MYH10: variants seen among roughly 807,000 people sequenced by gnomAD.
MYH10 encodes myosin-10.
A neutral mutation model predicts 257.8 loss-of-function variants in MYH10; 55 were observed. That is an observed-to-expected ratio of 0.21 (90% CI 0.17 to 0.27). MYH10 has a LOEUF of 0.27. MYH10 is among the 10% of genes least tolerant of loss of function. The pLI, the probability that MYH10 is intolerant of heterozygous loss-of-function variation, is 1.00. For synonymous variants in MYH10, 854 were observed against 921.7 expected (o/e 0.93, Z 1.33); for missense variants, 1,631 against 2,500.6 (o/e 0.65, Z 7.42).
intron 1 of MYH10, among the ~76,000 whole-genome samples, chr17:8,626,122 C>G (rs1197230795): frequency 6.6e-6 from 1 of 152,168 alleles, no homozygotes; most frequent in African/African-American, 2.4e-5. Context: ...TTGCATTAGT[C>G]TTCTAAGACA....
At chr17:8,497,688 G>A (rs1351895842) in intron 30 of MYH10, among the ~76,000 whole-genome samples, 2 of 125,072 alleles carry the variant, frequency 1.6e-5, no homozygotes, top group Non-Finnish European at 3.2e-5. Flanking sequence ...GCAGTGAGCC[G>A]AGATTGCGCC....
rs1408055648 is a variant in MYH10 at position 8,561,338 on chromosome 17, A to C, written c.757-7320T>G. On this transcript the variant is annotated intron_variant, in intron 7 of 42. Coordinates refer to ENST00000360416, the MANE Select transcript of MYH10 (RefSeq NM_001256012.3). ...ATGCATGCCCAAGGACAAGGCCATT[A>C]AGAAATTCGTCATTCGAAACACAGT... 4 of 1,167,934 alleles carry C rather than the reference A, an allele frequency of 3.4e-6. No individual in the cohort carries two copies. In the African/African-American group the frequency reaches 4.5e-5, roughly 13 times the overall value. The allele number at this position is 1,167,934 out of a possible 1,614,324, so 72.3% of individuals were successfully genotyped here.
chr17:8,553,073 G>C (rs566531265), intron 8 of MYH10, among the ~76,000 whole-genome samples: 7 of 152,286 alleles, frequency 4.6e-5, no homozygotes, highest in Admixed American at 1.3e-4. Flanking sequence ...AATTAATTCT[G>C]TATGTGTCAG....
At chr17:8,623,345 C>T (rs2063644812) in intron 1 of MYH10, 68 bp from the exon 2 acceptor site, 10 of 1,401,470 alleles carry the variant, frequency 7.1e-6, no homozygotes, top group Non-Finnish European at 9.4e-6. Context: ...TTTTTCTTTT[C>T]TAAGAAACTT....
chr17:8,603,177 C>T (rs970671079), intron 3 of MYH10, among the ~76,000 whole-genome samples: 3 of 152,180 alleles, frequency 2.0e-5, no homozygotes, highest in Non-Finnish European at 4.4e-5. Context: ...TGTTTCTTTT[C>T]ATCAAATGTA....
chr17:8,580,113 C>T (rs573220461), intron 4 of MYH10, among the ~76,000 whole-genome samples: 3 of 151,904 alleles, frequency 2.0e-5, no homozygotes, highest in South Asian at 2.1e-4. Flanking sequence ...GGCGACAGAG[C>T]GAGACTTCAC....
intron 7 of MYH10, among the ~76,000 whole-genome samples, chr17:8,566,380 T>C (rs1019852203): frequency 6.6e-6 from 1 of 152,178 alleles, no homozygotes; most frequent in Admixed American, 6.5e-5. Context: ...AGGCATGTGA[T>C]TTCCAAGGCA....
At chr17:8,627,590 G>C (rs1202770900) in intron 1 of MYH10, among the ~76,000 whole-genome samples, 1 of 152,108 alleles carries the variant, frequency 6.6e-6, no homozygotes, top group Non-Finnish European at 1.5e-5. Context: ...GAGACCATTG[G>C]AGATATTTTG....
chr17:8,594,107 G>A (rs866720032), intron 3 of MYH10, among the ~76,000 whole-genome samples: 1 of 152,070 alleles, frequency 6.6e-6, no homozygotes, highest in Non-Finnish European at 1.5e-5. Context: ...ATATCCATAA[G>A]CAAAAAGATG....
At chr17:8,622,504 C>T (rs746520674) in intron 2 of MYH10, among the ~76,000 whole-genome samples, 11 of 152,214 alleles carry the variant, frequency 7.2e-5, no homozygotes, top group Admixed American at 1.3e-4. Flanking sequence ...TCTCAGCTTA[C>T]AGCCCCTCCA....
At chr17:8,496,114 T>G (rs1052633692) in intron 30 of MYH10, among the ~76,000 whole-genome samples, 2 of 152,262 alleles carry the variant, frequency 1.3e-5, no homozygotes, top group Non-Finnish European at 2.9e-5. Flanking sequence ...TCTTCGCAAT[T>G]AATGATATTT....
At chr17:8,582,648 G>A (rs770496627) in intron 4 of MYH10, among the ~76,000 whole-genome samples, 16 of 152,216 alleles carry the variant, frequency 1.1e-4, no homozygotes, top group African/African-American at 2.9e-4. Flanking sequence ...ACATGTTTGC[G>A]TTTCCTCAAT....
chr17:8,627,665 C>T (rs993554232), intron 1 of MYH10, among the ~76,000 whole-genome samples: 4 of 152,118 alleles, frequency 2.6e-5, no homozygotes, highest in African/African-American at 9.7e-5. Flanking sequence ...ACATTGGTAC[C>T]CAATCTGGAT....
rs1213033973 is a variant in MYH10 at position 8,480,117 on chromosome 17, C to T, written c.5590G>A (p.Glu1864Lys). 6.2e-7 allele frequency: 1 copy of T among 1,614,064 alleles called. No individual in the cohort carries two copies. The highest frequency in any genetic ancestry group is 1.1e-5 in the South Asian group (1 of 91,078). Residue 1864 changes from glutamate (E) to lysine (K), a missense_variant, in exon 40 of 43, where the codon GAA becomes AAA. Physicochemically the swap from Glu to Lys is moderately conservative, Grantham distance 56. Transcript: ENST00000360416. ...GTAGCAAAAACCTCTTACTTGGCTTCCTGCTCAAGCTGCTCCTCCAGCTGC... is the reference window on the plus strand; with the variant it reads ...GTAGCAAAAACCTCTTACTTGGCTTTCTGCTCAAGCTGCTCCTCCAGCTGC... Reference protein sequence around the residue: ...IGQLEEQLEQEAKERAAANKL... With the variant: ...IGQLEEQLEQKAKERAAANKL...
At chr17:8,526,335 G>A (rs1012985007) in intron 17 of MYH10, among the ~76,000 whole-genome samples, 5 of 152,140 alleles carry the variant, frequency 3.3e-5, no homozygotes, top group Admixed American at 2.0e-4. Flanking sequence ...TGAAATGGGC[G>A]GCGCGCCTCA....
intron 3 of MYH10, among the ~76,000 whole-genome samples, chr17:8,592,965 AT>A (rs1597918688): frequency 7.9e-6 from 1 of 126,036 alleles, no homozygotes; most frequent in Non-Finnish European, 1.7e-5. Flanking sequence ...ATATATATAT[AT>A]ATATAAAAGA....
intron 8 of MYH10, among the ~76,000 whole-genome samples, chr17:8,553,302 G>A (rs555561074): frequency 3.3e-5 from 5 of 152,234 alleles, no homozygotes; most frequent in African/African-American, 1.2e-4. Flanking sequence ...GTCCCTTGAA[G>A]GATAGAAATA....
rs554303484 is a variant in MYH10 at position 8,575,344 on chromosome 17, G to A, written c.663+1299C>T. ...AATTGCTTAACATTATTTCAATAGC[G>A]ACACAAGTACAAATTAAAAGGACAT... On this transcript the variant is annotated intron_variant, in intron 6 of 42. Transcript: ENST00000360416. Among the ~76,000 whole-genome samples the A allele has an allele frequency of 3.9e-5, 6 of 152,292 alleles. 1 individual carries two copies. Among genetic ancestry groups the A allele is most frequent in the East Asian group, 3.9e-4 (2 of 5,192 alleles).
At chr17:8,480,603 C>T in intron 38 of MYH10, 78 bp from the exon 39 acceptor site, 2 of 1,570,324 alleles carry the variant, frequency 1.3e-6, no homozygotes, top group African/African-American at 1.3e-5. Context: ...CTCCTCCACC[C>T]ACCCTGTTGC....
Sources: allele counts gnomAD v4.1 joint callset (sites outside exome capture counted in the v4.1 genomes callset), GRCh38; gene constraint gnomAD v4.1.1; transcripts MANE v1.5; gene names NCBI Gene and HGNC (gene_info 2026-07-23, HGNC 2026-07-21).